ARHGAP15: variants seen among roughly 807,000 people sequenced by gnomAD.
ARHGAP15 encodes the protein rho GTPase-activating protein 15.
A neutral mutation model predicts 63.7 loss-of-function variants in ARHGAP15; 51 were observed. The ratio of observed to expected loss-of-function variants is 0.80; its 90% CI spans 0.64 to 1.01. The LOEUF is 1.01. ARHGAP15 is among the 50% of genes least tolerant of loss of function. The probability of loss-of-function intolerance (pLI) is 0.00; values close to 1 mark genes in which losing one functional copy is unlikely to be tolerated. For missense variants in ARHGAP15, 560 were observed against 564.6 expected, an observed-to-expected ratio of 0.99 and a Z score of 0.08; for synonymous variants, 191 against 193.8, an observed-to-expected ratio of 0.99 and a Z score of 0.12.
intron 12 of ARHGAP15, among the ~76,000 whole-genome samples, chr2:143,690,484 G>A (rs1683546754): frequency 6.6e-6 from 1 of 152,122 alleles, no homozygotes; most frequent in South Asian, 2.1e-4. Flanking sequence ...GTCTTTACCT[G>A]GAAATGATAA....
intron 12 of ARHGAP15, among the ~76,000 whole-genome samples, chr2:143,646,286 G>A (rs1222230085): frequency 6.6e-6 from 1 of 151,950 alleles, no homozygotes; most frequent in Non-Finnish European, 1.5e-5. Context: ...GAAAGAAGAA[G>A]GTGGAATGCA....
At chr2:143,735,029 ATAG>A (rs1013160557) in intron 13 of ARHGAP15, among the ~76,000 whole-genome samples, 19 of 152,234 alleles carry the variant, frequency 1.2e-4, no homozygotes, top group African/African-American at 4.3e-4. Flanking sequence ...AAAAAACGAA[ATAG>A]TAGTACTAAG....
chr2:143,420,834 A>C (rs1434306422), intron 6 of ARHGAP15, among the ~76,000 whole-genome samples: 1 of 152,144 alleles, frequency 6.6e-6, no homozygotes, highest in Admixed American at 6.5e-5. Context: ...TGGGACTTAA[A>C]CCACATGTGC....
intron 9 of ARHGAP15, among the ~76,000 whole-genome samples, chr2:143,497,122 T>C (rs1354987645): frequency 6.6e-6 from 1 of 152,190 alleles, no homozygotes; most frequent in Non-Finnish European, 1.5e-5. Context: ...ATCTTATGAC[T>C]CTATGCCATG....
rs1260046309 is a variant in ARHGAP15, at chr2:143,388,440, G to GTAGA, written c.475-47160_475-47157dup. 3.3e-5 allele frequency among the ~76,000 whole-genome samples: 5 copies of GTAGA among 152,314 alleles called. No individual in the cohort carries two copies. In the East Asian group the frequency reaches 9.6e-4, roughly 29 times the overall value. ...AATTGGCACTCTAACGAAATCAAAA[G>GTAGA]TAGAAATTATGTGATACACTACAGA... On this transcript the variant is annotated intron_variant, in intron 6 of 13. Coordinates refer to ENST00000295095, the MANE Select transcript of ARHGAP15 (RefSeq NM_018460.4).
chr2:143,755,834 C>T (rs573293548), intron 13 of ARHGAP15, among the ~76,000 whole-genome samples: 76 of 152,058 alleles, frequency 5.0e-4, no homozygotes, highest in African/African-American at 1.7e-3. Context: ...GGTGTGGTAG[C>T]GGGTGCCTGT....
intron 5 of ARHGAP15, among the ~76,000 whole-genome samples, chr2:143,240,865 T>G (rs1192577911): frequency 6.6e-6 from 1 of 152,234 alleles, no homozygotes; most frequent in Non-Finnish European, 1.5e-5. Flanking sequence ...GTTATATTTT[T>G]TTCTAGCTTT....
chr2:143,202,341 T>C (rs1692153968), intron 3 of ARHGAP15, 139 bp downstream of exon 3: 1 of 668,518 alleles, frequency 1.5e-6, no homozygotes, highest in Non-Finnish European at 2.7e-6. Flanking sequence ...TAGAGGGATC[T>C]AGCTTGGAGT....
intron 9 of ARHGAP15, among the ~76,000 whole-genome samples, chr2:143,503,783 C>A (rs1383635100): frequency 6.6e-6 from 1 of 152,180 alleles, no homozygotes; most frequent in Non-Finnish European, 1.5e-5. Context: ...AAGAGCTATG[C>A]TTGCATTTCT....
intron 12 of ARHGAP15, among the ~76,000 whole-genome samples, chr2:143,685,430 A>C (rs561160910): frequency 6.6e-6 from 1 of 152,178 alleles, no homozygotes; most frequent in Non-Finnish European, 1.5e-5. Context: ...AATAATGAAA[A>C]CATAGCTGGG....
chr2:143,641,991 A>G (rs1680624179), intron 12 of ARHGAP15, among the ~76,000 whole-genome samples: 1 of 152,132 alleles, frequency 6.6e-6, no homozygotes, highest in Admixed American at 6.6e-5. Flanking sequence ...GCCCATTTAT[A>G]TTATGAAATA....
At chr2:143,762,449 G>A (rs1197028933) in intron 13 of ARHGAP15, among the ~76,000 whole-genome samples, 1 of 152,146 alleles carries the variant, frequency 6.6e-6, no homozygotes, top group Non-Finnish European at 1.5e-5. Flanking sequence ...TGAAACCTAA[G>A]CCCTACCAGA....
At chr2:143,727,695 A>T (rs766062399) in intron 13 of ARHGAP15, among the ~76,000 whole-genome samples, 1 of 152,168 alleles carries the variant, frequency 6.6e-6, no homozygotes, top group African/African-American at 2.4e-5. Context: ...GTGGGCATGC[A>T]TTGTAATGGT....
In ARHGAP15 at chr2:143,153,840, T is replaced by TCCTCCTCC. The variant is rs1553440925; in HGVS notation, c.-14-1637_-14-1636insCCTCCTCC. ...CTTCTTCTTCTTCTTCTTCTTCTTC[T>TCCTCCTCC]TCTTCCTCCTCCTCCTCCTCCTCCT... On this transcript the variant is annotated intron_variant, in intron 1 of 13. Coordinates refer to ENST00000295095, the MANE Select transcript of ARHGAP15 (RefSeq NM_018460.4). 4.9e-3 allele frequency among the ~76,000 whole-genome samples: 383 copies of TCCTCCTCC among 78,360 alleles called. 20 individuals carry two copies. The highest frequency in any genetic ancestry group is 7.2e-3 in the Non-Finnish European group (295 of 41,054). The allele number at this position is 78,360 out of a possible 152,430, so 51.4% of individuals were successfully genotyped here.
intron 9 of ARHGAP15, among the ~76,000 whole-genome samples, chr2:143,517,807 G>A (rs959319622): frequency 2.6e-5 from 4 of 152,146 alleles, no homozygotes; most frequent in African/African-American, 9.7e-5. Flanking sequence ...GAGACCTAAG[G>A]CAATGGAGTT....
At chr2:143,442,548 C>T (rs537718696) in intron 8 of ARHGAP15, among the ~76,000 whole-genome samples, 1 of 152,058 alleles carries the variant, frequency 6.6e-6, no homozygotes, top group African/African-American at 2.4e-5. Context: ...TTAAAGCCTC[C>T]GAGCCGGAAG....
At chr2:143,450,941 T>A (rs1361443924) in intron 8 of ARHGAP15, among the ~76,000 whole-genome samples, 1 of 151,952 alleles carries the variant, frequency 6.6e-6, no homozygotes, top group Non-Finnish European at 1.5e-5. Flanking sequence ...GCTAATCCCC[T>A]TTCATAAATC....
chr2:143,169,658 A>G (rs1033176591), intron 2 of ARHGAP15, among the ~76,000 whole-genome samples: 1 of 151,930 alleles, frequency 6.6e-6, no homozygotes, highest in Non-Finnish European at 1.5e-5. Context: ...TTGAATTGCC[A>G]ATGACAAATC....
In ARHGAP15 at chr2:143,461,890, C is replaced by T. The variant is rs185525640; in HGVS notation, c.703+24848C>T. ...CACCATTAAAAATAGACTTATCGGC[C>T]TGCTGCTGTGGCTCATGCCTGTAAT... On this transcript the variant is annotated intron_variant, in intron 8 of 13. Transcript: ENST00000295095. Among the ~76,000 whole-genome samples, 76 of 152,276 alleles carry T rather than the reference C, an allele frequency of 5.0e-4. 1 individual carries two copies. The highest frequency in any genetic ancestry group is 2.6e-4 in the Admixed American group (4 of 15,298).
Sources: allele counts gnomAD v4.1 joint callset (sites outside exome capture counted in the v4.1 genomes callset), GRCh38; gene constraint gnomAD v4.1.1; transcripts MANE v1.5; gene names NCBI Gene and HGNC (gene_info 2026-07-23, HGNC 2026-07-21).